SYNE2: variants seen among roughly 807,000 people sequenced by gnomAD.
SYNE2 encodes spectrin repeat containing nuclear envelope protein 2, also known as nesprin-2.
SYNE2 carries 431 observed loss-of-function variants against 856.3 expected under a neutral mutation model. That is an observed-to-expected ratio of 0.50 (90% CI 0.47 to 0.55). SYNE2 has a LOEUF of 0.55. Among genes scored for constraint, SYNE2 ranks in the 20% least tolerant of loss-of-function variants. The probability of loss-of-function intolerance (pLI) is 0.00; values close to 1 mark genes in which losing one functional copy is unlikely to be tolerated. For missense variants in SYNE2, 8,129 were observed against 8,023.2 expected, an observed-to-expected ratio of 1.01 and a Z score of -0.50; for synonymous variants, 2,923 against 2,872.3, an observed-to-expected ratio of 1.02 and a Z score of -0.56.
chr14:63,778,491 A>G, intron 1 of SYNE2, among the ~76,000 whole-genome samples: 2 of 152,100 alleles, frequency 1.3e-5, no homozygotes, highest in South Asian at 4.2e-4. Context: ...ACAACTTTTA[A>G]TTTTATTATT....
intron 11 of SYNE2, among the ~76,000 whole-genome samples, chr14:63,969,922 G>A (rs922245729): frequency 6.6e-6 from 1 of 152,074 alleles, no homozygotes; most frequent in Non-Finnish European, 1.5e-5. Flanking sequence ...CATTGTCATT[G>A]TGTGTACATG....
At chr14:64,168,782 C>T in intron 92 of SYNE2, 95 bp from the exon 93 acceptor site, 1 of 876,138 alleles carries the variant, frequency 1.1e-6, no homozygotes, top group South Asian at 1.4e-5. Context: ...TCCCTCATAT[C>T]CTTTGTAAGC....
chr14:64,152,719 A>G lies in SYNE2; in HGVS notation c.15792+3A>G, dbSNP rs748617468. On this transcript the variant is annotated splice_donor_region_variant and intron_variant, in intron 85 of 115. Transcript: ENST00000555002. Reference sequence around the variant, plus strand: ...AGAGAAGCAGTGTTCTCACTCAGGTACTAGAATTCATTTGAAATGTGCTAT... The same window carrying G: ...AGAGAAGCAGTGTTCTCACTCAGGTGCTAGAATTCATTTGAAATGTGCTAT... 8 of 1,613,926 alleles carry G rather than the reference A, an allele frequency of 5.0e-6. No homozygotes were observed. The African/African-American group carries it at 9.3e-5, about 19-fold the overall frequency.
chr14:63,796,482 T>C (rs1234520073), intron 1 of SYNE2, among the ~76,000 whole-genome samples: 1 of 151,404 alleles, frequency 6.6e-6, no homozygotes. Flanking sequence ...TTTGATGAGA[T>C]TTTAAAAGGT....
At chr14:64,206,893 G>T (rs1312299530) in intron 100 of SYNE2, among the ~76,000 whole-genome samples, 1 of 152,058 alleles carries the variant, frequency 6.6e-6, no homozygotes, top group Non-Finnish European at 1.5e-5. Flanking sequence ...TATTTACATG[G>T]GATATGTATC....
chr14:64,140,101 A>T lies in SYNE2; in HGVS notation c.14976+28A>T, dbSNP rs765314435. On this transcript the variant is annotated intron_variant, in intron 80 of 115. Transcript: ENST00000555002. ...AAGTTGTAATAGCATATGTTCAGTTAATTACTGGTCAGAAATAAATATCAA... is the reference window on the plus strand; with the variant it reads ...AAGTTGTAATAGCATATGTTCAGTTTATTACTGGTCAGAAATAAATATCAA... 14 of 1,602,416 alleles carry T rather than the reference A, an allele frequency of 8.7e-6. No homozygotes were observed. In the South Asian group the frequency reaches 1.5e-4, roughly 18 times the overall value.
intron 60 of SYNE2, among the ~76,000 whole-genome samples, chr14:64,092,900 C>T (rs956383211): frequency 1.3e-5 from 2 of 152,204 alleles, no homozygotes; most frequent in Non-Finnish European, 2.9e-5. Context: ...TCATCACTGA[C>T]CTCACATGCT....
In SYNE2 at chr14:63,907,283, A is replaced by C. The variant is rs1232932849; in HGVS notation, c.-51-1815A>C. 2.0e-5 allele frequency among the ~76,000 whole-genome samples: 3 copies of C among 152,240 alleles called. No individual in the cohort carries two copies. In the East Asian group the frequency reaches 5.8e-4, roughly 29 times the overall value. The stretch of plus-strand genomic sequence containing the variant: ...TGTTGTGCAAATGAATGAAAACAAA[A>C]ATAAATGACATATGGCAAACTCTCA... On this transcript the variant is annotated intron_variant, in intron 1 of 115. Transcript: ENST00000555002.
rs142930939 is a variant in SYNE2 at position 63,826,590 on chromosome 14, G to A, written c.-304-25911G>A. 1.9e-3 allele frequency among the ~76,000 whole-genome samples: 285 copies of A among 152,226 alleles called. 1 individual carries two copies. Among genetic ancestry groups the A allele is most frequent in the Middle Eastern group, 6.8e-3 (2 of 294 alleles). ...GCTGGGATTACAGGCGTGAGTCACC[G>A]CGCCTGGCCAACAATAGTTTTTTCA... On this transcript the variant is annotated intron_variant, in intron 1 of 23. Transcript: ENST00000674003.
chr14:63,867,149 A>C (rs1040805393), intron 1 of SYNE2, among the ~76,000 whole-genome samples: 1 of 152,094 alleles, frequency 6.6e-6, no homozygotes, highest in Non-Finnish European at 1.5e-5. Context: ...GCTTGAACAC[A>C]AGTCTGTTGG....
At chr14:64,110,601 C>T (rs533324077) in intron 65 of SYNE2, among the ~76,000 whole-genome samples, 3 of 106,942 alleles carry the variant, frequency 2.8e-5, no homozygotes, top group African/African-American at 3.3e-5. Flanking sequence ...CCCCCCCCCC[C>T]GCCAAAGTGT....
At chr14:64,030,989 A>G (rs746235288) in intron 44 of SYNE2, 27 bp from the exon 45 acceptor site, 52 of 1,533,504 alleles carry the variant, frequency 3.4e-5, no homozygotes, top group Non-Finnish European at 4.2e-5. Flanking sequence ...TTGAATGGAG[A>G]TATAACAATC....
chr14:64,107,688 A>G (rs1567321720), intron 65 of SYNE2, 81 bp downstream of exon 65: 2 of 1,093,790 alleles, frequency 1.8e-6, no homozygotes, highest in East Asian at 2.3e-5. Context: ...GTGTCCTGCA[A>G]TACCTTGTAC....
rs1403355272 is a variant in SYNE2 at position 63,949,944 on chromosome 14, A to G, written c.528A>G (p.Gln176=). ...CAGCTAAGAAATGCTCTAAAGTGCA[A>G]GCAAGATGGCAAATGTCTGCAAGAA... ...SPPAKKCSKV[Q]ARWQMSARKA... is the part of the protein sequence containing the mutation. Residue 176 remains glutamine, a synonymous_variant, in exon 7 of 116, where the codon CAA becomes CAG. Coordinates refer to ENST00000555002, the MANE Select transcript of SYNE2 (RefSeq NM_182914.3). The G allele has an allele frequency of 1.2e-6, 2 of 1,614,054 alleles. No individual in the cohort carries two copies. The highest frequency in any genetic ancestry group is 8.5e-7 in the Non-Finnish European group (1 of 1,180,028).
At chr14:63,807,198 C>T (rs2139814314) in intron 1 of SYNE2, among the ~76,000 whole-genome samples, 1 of 152,156 alleles carries the variant, frequency 6.6e-6, no homozygotes, top group Non-Finnish European at 1.5e-5. Context: ...ATTAGCTGGG[C>T]ATGGTGGCAT....
At chr14:64,164,429 A>G (rs2098358237) in intron 89 of SYNE2, among the ~76,000 whole-genome samples, 2 of 152,128 alleles carry the variant, frequency 1.3e-5, no homozygotes, top group Admixed American at 1.3e-4. Flanking sequence ...TTGTATAATT[A>G]GTAGAGATGG....
intron 1 of SYNE2, among the ~76,000 whole-genome samples, chr14:63,885,760 G>T (rs565249542): frequency 6.6e-6 from 1 of 152,262 alleles, no homozygotes; most frequent in Non-Finnish European, 1.5e-5. Flanking sequence ...GTTCAAGTGG[G>T]AGATGTTGAG....
chr14:63,996,843 A>G, intron 23 of SYNE2, 104 bp from the exon 24 acceptor site: 3 of 1,108,294 alleles, frequency 2.7e-6, no homozygotes, highest in Middle Eastern at 2.8e-4. Context: ...GGCCTATACA[A>G]GAACACATTG....
At chr14:64,176,135 T>G (rs2098434667) in intron 95 of SYNE2, among the ~76,000 whole-genome samples, 2 of 152,204 alleles carry the variant, frequency 1.3e-5, no homozygotes, top group African/African-American at 4.8e-5. Flanking sequence ...CTGTACTGAA[T>G]AATAGTGTTT....
Sources: gnomAD v4.1 joint callset for allele counts (sites outside exome capture counted in the v4.1 genomes callset) on GRCh38, gnomAD v4.1.1 for gene constraint, MANE v1.5 for transcripts, NCBI Gene and HGNC (gene_info 2026-07-23, HGNC 2026-07-21) for gene names.